The following PDE6A variants were observed in gnomAD, a reference collection of about 807,000 sequenced individuals.
PDE6A encodes rod cGMP-specific 3',5'-cyclic phosphodiesterase subunit alpha.
PDE6A carries 84 observed loss-of-function variants against 106.3 expected under a neutral mutation model. That is an observed-to-expected ratio of 0.79 (90% confidence interval 0.66 to 0.95). PDE6A has a LOEUF of 0.95. Ranked by LOEUF, PDE6A falls within the 40% of genes least tolerant of loss-of-function variation. The pLI is 0.00. For synonymous variants in PDE6A, 394 were observed against 386.6 expected (o/e 1.02, Z -0.23); for missense variants, 1,052 against 1,084.9 (o/e 0.97, Z 0.43).
intron 3 of PDE6A, among the ~76,000 whole-genome samples, chr5:149,933,276 T>C (rs1289577045): frequency 6.6e-6 from 1 of 152,230 alleles, no homozygotes; most frequent in Non-Finnish European, 1.5e-5. Context: ...CCCATTATCA[T>C]CCATTTATTT....
intron 16 of PDE6A, 73 bp downstream of exon 16, chr5:149,884,398 GTATATATA>G: frequency 3.7e-6 from 3 of 816,076 alleles, no homozygotes; most frequent in Non-Finnish European, 6.3e-6. Context: ...GTGTATATAT[GTATATATA>G]TGTGTGTATA....
At chr5:149,896,801 G>A (rs769074867) in intron 10 of PDE6A, 25 bp from the exon 11 acceptor site, 4 of 1,609,680 alleles carry the variant, frequency 2.5e-6, no homozygotes, top group Admixed American at 1.7e-5. Flanking sequence ...AATGGCAGGG[G>A]AAAAAAAATA....
At chr5:149,869,714 G>C (rs1313012562) in intron 17 of PDE6A, among the ~76,000 whole-genome samples, 2 of 152,174 alleles carry the variant, frequency 1.3e-5, no homozygotes, top group Non-Finnish European at 2.9e-5. Context: ...GGACTAGTAG[G>C]ATGGAGAAGG....
rs117848475 is a variant in PDE6A at position 149,877,086 on chromosome 5, C to A, written c.2135+6343G>T. Among the ~76,000 whole-genome samples, 180 of 152,240 alleles carry A rather than the reference C, an allele frequency of 1.2e-3. 1 individual carries two copies. Among genetic ancestry groups the A allele is most frequent in the African/African-American group, 4.2e-3 (176 of 41,554 alleles). ...AAATCAGTTGCTACCATCTTCAGTA[C>A]GTATTACTGATGTGCCTTTGCCCTA... On this transcript the variant is annotated intron_variant, in intron 17 of 21. Coordinates refer to ENST00000255266, the MANE Select transcript of PDE6A (RefSeq NM_000440.3).
intron 4 of PDE6A, among the ~76,000 whole-genome samples, chr5:149,926,548 T>A (rs2113649152): frequency 6.6e-6 from 1 of 152,356 alleles, no homozygotes; most frequent in African/African-American, 2.4e-5. Context: ...TTGACATATG[T>A]AAATATCTCT....
intron 13 of PDE6A, among the ~76,000 whole-genome samples, chr5:149,893,858 C>T (rs1441418963): frequency 1.3e-5 from 2 of 152,166 alleles, no homozygotes; most frequent in Admixed American, 6.5e-5. Flanking sequence ...CTCACTCATG[C>T]TCCCAGATAG....
At chr5:149,874,491 C>T (rs1318780679) in intron 17 of PDE6A, among the ~76,000 whole-genome samples, 1 of 148,798 alleles carries the variant, frequency 6.7e-6, no homozygotes, top group African/African-American at 2.6e-5. Flanking sequence ...TGCGTGCCAC[C>T]ACCTCGAAGT....
At chr5:149,889,213 C>A (rs1752448511) in intron 13 of PDE6A, among the ~76,000 whole-genome samples, 1 of 150,174 alleles carries the variant, frequency 6.7e-6, no homozygotes, top group Non-Finnish European at 1.5e-5. Flanking sequence ...TCTTTTAAAA[C>A]AACAAATTTT....
chr5:149,929,194 T>C (rs1270429515), intron 4 of PDE6A, among the ~76,000 whole-genome samples: 1 of 152,010 alleles, frequency 6.6e-6, no homozygotes, highest in Non-Finnish European at 1.5e-5. Flanking sequence ...TAATAATAGA[T>C]CAGATCTGAA....
chr5:149,916,658 C>T (rs189429684), intron 5 of PDE6A, among the ~76,000 whole-genome samples: 21 of 152,304 alleles, frequency 1.4e-4, no homozygotes, highest in African/African-American at 4.6e-4. Context: ...CCTAGCTCTC[C>T]AGGGGAAATT....
Position 149,911,394 on chromosome 5 carries a change from C to T in PDE6A, c.998+3549G>A, listed in dbSNP as rs369864512. Reference sequence around the variant, plus strand: ...TAAAACCAACCCCTTCTGCTCAACTCATTGGAACACTTACTCTATTTTACA... The same window carrying T: ...TAAAACCAACCCCTTCTGCTCAACTTATTGGAACACTTACTCTATTTTACA... On this transcript the variant is annotated intron_variant, in intron 6 of 21. Coordinates refer to ENST00000255266, the MANE Select transcript of PDE6A (RefSeq NM_000440.3). 4.6e-5 allele frequency among the ~76,000 whole-genome samples: 7 copies of T among 152,322 alleles called. 2 individuals are homozygous for T. The highest frequency in any genetic ancestry group is 1.9e-4 in the East Asian group (1 of 5,176).
At chr5:149,920,962 GA>G (rs1347136244) in intron 5 of PDE6A, among the ~76,000 whole-genome samples, 4 of 124,802 alleles carry the variant, frequency 3.2e-5, no homozygotes, top group African/African-American at 1.8e-4. Context: ...AAGAAAGAAA[GA>G]AAGAAAGAAA....
chr5:149,896,882 C>G (rs1451673381), intron 10 of PDE6A, 106 bp from the exon 11 acceptor site: 1 of 1,235,292 alleles, frequency 8.1e-7, no homozygotes, highest in African/African-American at 1.5e-5. Context: ...ACAGAACCAC[C>G]AGCTCAAAGA....
intron 6 of PDE6A, among the ~76,000 whole-genome samples, chr5:149,914,233 C>T (rs1429758806): frequency 6.6e-6 from 1 of 152,144 alleles, no homozygotes; most frequent in African/African-American, 2.4e-5. Context: ...TCAAGTCTTC[C>T]CCCTTCTTGG....
chr5:149,872,962 C>T (rs1760614855), intron 17 of PDE6A, among the ~76,000 whole-genome samples: 1 of 152,182 alleles, frequency 6.6e-6, no homozygotes, highest in South Asian at 2.1e-4. Context: ...GATGTGAGAG[C>T]AGCCGTAGAT....
At chr5:149,878,874 A>C (rs1760830773) in intron 17 of PDE6A, among the ~76,000 whole-genome samples, 1 of 152,154 alleles carries the variant, frequency 6.6e-6, no homozygotes, top group South Asian at 2.1e-4. Context: ...TGAGGAAATT[A>C]GCTCTTTTTC....
chr5:149,879,418 G>GTT (rs147091528), intron 17 of PDE6A, among the ~76,000 whole-genome samples: 21,085 of 148,198 alleles, frequency 0.14, 1,531 homozygotes, highest in South Asian at 0.27. Context: ...TTTTTTTTAG[G>GTT]TTTTTTTTTT....
chr5:149,916,460 G>A (rs113606843), intron 5 of PDE6A, among the ~76,000 whole-genome samples: 1 of 152,068 alleles, frequency 6.6e-6, no homozygotes, highest in Non-Finnish European at 1.5e-5. Flanking sequence ...CCACTCAGCT[G>A]TTCTCTTTGC....
intron 3 of PDE6A, chr5:149,932,495 A>T: frequency 7.3e-7 from 1 of 1,374,466 alleles, no homozygotes; most frequent in Non-Finnish European, 1.0e-6. Flanking sequence ...CTGCTACAAC[A>T]ATCCTCTCTG....
Sources: allele counts gnomAD v4.1 joint callset (sites outside exome capture counted in the v4.1 genomes callset), GRCh38; gene constraint gnomAD v4.1.1; transcripts MANE v1.5; gene names NCBI Gene and HGNC (gene_info 2026-07-23, HGNC 2026-07-21).